UBR4: variants seen among roughly 807,000 people sequenced by gnomAD.
The protein encoded by UBR4 is ubiquitin protein ligase E3 component n-recognin 4.
UBR4 carries 124 observed loss-of-function variants against 575.6 expected under a neutral mutation model. The ratio of observed to expected loss-of-function variants is 0.22; its 90% confidence interval spans 0.19 to 0.25. The LOEUF (loss-of-function observed/expected upper bound fraction) is 0.25. UBR4 is among the 10% of genes least tolerant of loss of function. The probability of loss-of-function intolerance (pLI) is 1.00; values close to 1 mark genes in which losing one functional copy is unlikely to be tolerated. For synonymous variants in UBR4, 2,455 were observed against 2,473.7 expected (o/e 0.99, Z 0.22); for missense variants, 4,818 against 6,478.8 (o/e 0.74, Z 8.80).
In UBR4 at chr1:19,152,030, C is replaced by G. The variant is rs2085798336; in HGVS notation, c.6997-171G>C. On this transcript the variant is annotated intron_variant, in intron 47 of 105. Coordinates refer to ENST00000375254, the MANE Select transcript of UBR4 (RefSeq NM_020765.3). This position sits in a 1 kb window ranked among gnomAD's most constrained non-coding sequence, Gnocchi z 4.4. ...AAAATGGGAAAATAGGAAAAGAGAGCAGATTCTCTTCAATGTCAGGCTTCC... is the reference window on the plus strand; with the variant it reads ...AAAATGGGAAAATAGGAAAAGAGAGGAGATTCTCTTCAATGTCAGGCTTCC... 6.6e-6 allele frequency among the ~76,000 whole-genome samples: 1 copy of G among 152,168 alleles called. No individual in the cohort carries two copies. The highest frequency in any genetic ancestry group is 1.5e-5 in the Non-Finnish European group (1 of 68,036).
At position 19,152,242 on chromosome 1, in the gene UBR4, G is replaced by A; in HGVS notation, c.6996+71C>T. The A allele has an allele frequency of 6.3e-7, 1 of 1,576,316 alleles. No individual in the cohort carries two copies. The highest frequency in any genetic ancestry group is 1.3e-5 in the African/African-American group (1 of 74,186). On this transcript the variant is annotated intron_variant, in intron 47 of 105. Transcript: ENST00000375254. This position sits in a 1 kb window ranked among gnomAD's most constrained non-coding sequence, Gnocchi z 4.4. ...ACTCTATACTTGCTTTCTAAAAGGA[G>A]ATGTGTTCTCAAACCATATTGTTTG...
chr1:19,153,968 G>C lies in UBR4; in HGVS notation c.6459-29C>G. On this transcript the variant is annotated intron_variant, in intron 44 of 105. Coordinates refer to ENST00000375254, the MANE Select transcript of UBR4 (RefSeq NM_020765.3). The surrounding 1 kb of genome is among the most constrained non-coding windows in gnomAD (Gnocchi z 4.1). Reference sequence around the variant, plus strand: ...CAGACAACAAAACTGGCCACAGTTAGAGTGTCAGTCACCATTTAATAGTTC... The same window carrying C: ...CAGACAACAAAACTGGCCACAGTTACAGTGTCAGTCACCATTTAATAGTTC... 2 of 1,607,756 alleles carry C rather than the reference G, an allele frequency of 1.2e-6. No individual in the cohort carries two copies. The highest frequency in any genetic ancestry group is 3.3e-4 in the Middle Eastern group (2 of 6,012).
At chr1:19,081,215 G>T in intron 103 of UBR4, 134 bp downstream of exon 103, 1 of 772,520 alleles carries the variant, frequency 1.3e-6, no homozygotes, top group Non-Finnish European at 2.1e-6. Flanking sequence ...GACAGACTGA[G>T]AAGGGAGAAG....
rs1314008645 is a variant in UBR4 at position 19,082,839 on chromosome 1, T to C, written c.15009-1266A>G. 2.0e-5 allele frequency among the ~76,000 whole-genome samples: 3 copies of C among 152,314 alleles called. No homozygotes were observed. The East Asian group carries it at 5.8e-4, about 29-fold the overall frequency. ...GCTGCAGGATCTGCTCAGGCTCTGG[T>C]CTGGCTTACGGTGGCCATGCTGTGA... On this transcript the variant is annotated intron_variant, in intron 102 of 105. Transcript: ENST00000375254.
At chr1:19,143,818 C>A (rs148412645) in intron 55 of UBR4, among the ~76,000 whole-genome samples, 162 bp downstream of exon 55, 16 of 152,206 alleles carry the variant, frequency 1.1e-4, no homozygotes, top group Admixed American at 3.3e-4. Flanking sequence ...TTTGATGTGC[C>A]ACCTAAATTC....
At chr1:19,147,181 A>G (rs1405889827) in intron 51 of UBR4, among the ~76,000 whole-genome samples, 181 bp from the exon 52 acceptor site, 3 of 152,262 alleles carry the variant, frequency 2.0e-5, no homozygotes, top group Admixed American at 2.0e-4. Context: ...GTTTCTTAAT[A>G]CATAAAATAT....
At chr1:19,210,001 G>A (rs2093238002) in intron 1 of UBR4, 72 bp downstream of exon 1, 3 of 1,423,056 alleles carry the variant, frequency 2.1e-6, no homozygotes, top group Admixed American at 5.5e-5. Context: ...CCCGGAAAGC[G>A]GGTCCAGACG....
Position 19,088,022 on chromosome 1 carries a change from A to G in UBR4, c.14431-93T>C. Reference sequence around the variant, plus strand: ...TGCTCAGGAACAGGGCTAACCTTCTACCTCCACTAAAAGGACAGGTGCATG... The same window carrying G: ...TGCTCAGGAACAGGGCTAACCTTCTGCCTCCACTAAAAGGACAGGTGCATG... On this transcript the variant is annotated intron_variant, in intron 98 of 105. Coordinates refer to ENST00000375254, the MANE Select transcript of UBR4 (RefSeq NM_020765.3). The surrounding 1 kb of genome is among the most constrained non-coding windows in gnomAD (Gnocchi z 4.0). 4.2e-6 allele frequency: 4 copies of G among 948,718 alleles called. No homozygotes were observed. Among genetic ancestry groups the G allele is most frequent in the Non-Finnish European group, 6.6e-6 (4 of 607,430 alleles). 58.8% of individuals were successfully genotyped at this position (948,718 alleles called of 1,614,324 possible).
chr1:19,113,586 A>G, intron 77 of UBR4, 113 bp downstream of exon 77: 1 of 1,500,362 alleles, frequency 6.7e-7, no homozygotes, highest in Non-Finnish European at 9.0e-7. Context: ...TAGATTGGGC[A>G]GGGACAACAC....
intron 17 of UBR4, among the ~76,000 whole-genome samples, chr1:19,183,577 C>G (rs1304583828): frequency 2.0e-5 from 3 of 152,152 alleles, no homozygotes; most frequent in African/African-American, 7.2e-5. Flanking sequence ...CAAAAATTAG[C>G]CAGCCATGGT....
rs1289412217 is a variant in UBR4 at position 19,165,717 on chromosome 1, A to G, written c.4150T>C (p.Leu1384=). ...TGGCTACTTTCCAGCTGCTTTTCCA[A>G]GTACTGGAGACATTCCTCCAGGATG... ...ESILEECLQY[L]EKQLESSQAR... is the part of the protein sequence containing the mutation. Residue 1384 remains leucine, a synonymous_variant, in exon 30 of 106, where the codon TTG becomes CTG. Transcript: ENST00000375254. The G allele has an allele frequency of 6.2e-6, 10 of 1,614,036 alleles. No homozygotes were observed. Among genetic ancestry groups the G allele is most frequent in the Non-Finnish European group, 7.6e-6 (9 of 1,180,014 alleles).
chr1:19,202,937 T>A (rs2092815876), intron 1 of UBR4, among the ~76,000 whole-genome samples: 1 of 151,292 alleles, frequency 6.6e-6, no homozygotes, highest in African/African-American at 2.4e-5. Context: ...TTACAAAAAT[T>A]AGCAGGTGGT....
At chr1:19,179,344 C>G (rs2090627134) in intron 17 of UBR4, 124 bp from the exon 18 acceptor site, 1 of 1,062,430 alleles carries the variant, frequency 9.4e-7, no homozygotes. Flanking sequence ...AAAGAAGGAC[C>G]CAGAAATTCA....
At chr1:19,164,150 G>A in intron 33 of UBR4, 103 bp downstream of exon 33, 1 of 1,353,354 alleles carries the variant, frequency 7.4e-7, no homozygotes, top group East Asian at 2.4e-5. Context: ...CAATGAAAGG[G>A]TAGAGATTCA....
At chr1:19,099,876 C>T (rs963006455) in intron 89 of UBR4, among the ~76,000 whole-genome samples, 199 bp from the exon 90 acceptor site, 86 of 152,122 alleles carry the variant, frequency 5.7e-4, no homozygotes, top group African/African-American at 2.0e-3. Context: ...GGGCTGCTAA[C>T]GTCCCTAACC....
Position 19,127,732 on chromosome 1 carries a change from G to A in UBR4, c.9119C>T (p.Ser3040Phe). 1 of 1,613,934 alleles carries A rather than the reference G, an allele frequency of 6.2e-7. No homozygotes were observed. The highest frequency in any genetic ancestry group is 1.3e-5 in the African/African-American group (1 of 75,004). ...CAGGGCGCTGCGCTCATTCTTCTTG[G>A]AGACATCCTGCAGGCCAAAGCGTAA... ...AELGMDKKDV[S>F]KKNERSALNE... Residue 3040 changes from serine (S) to phenylalanine (F), a missense_variant, in exon 63 of 106, where the codon TCC becomes TTC. Physicochemically the swap from Ser to Phe is radical, Grantham distance 155. Around this residue, in one of 29 missense-constraint regions of UBR4, gnomAD observed 550 missense variants for 791.5 expected, o/e 0.69. Transcript: ENST00000375254.
In UBR4 at chr1:19,105,212, A is replaced by G. The variant is rs761683070; in HGVS notation, c.12504-23T>C. On this transcript the variant is annotated intron_variant, in intron 84 of 105. Coordinates refer to ENST00000375254, the MANE Select transcript of UBR4 (RefSeq NM_020765.3). ...TAACTGCCACCAAGAGGGACAGGGC[A>G]CTCTAGTCAAGAACTCTAGCATTTC... 3.1e-6 allele frequency: 5 copies of G among 1,602,030 alleles called. No individual in the cohort carries two copies. In the South Asian group the frequency reaches 5.5e-5, roughly 18 times the overall value.
chr1:19,196,082 A>G (rs2092440721), intron 8 of UBR4, among the ~76,000 whole-genome samples: 1 of 151,962 alleles, frequency 6.6e-6, no homozygotes, highest in Non-Finnish European at 1.5e-5. Context: ...CTCTGCCTAG[A>G]AATAGCCAAG....
Position 19,106,841 on chromosome 1 carries a change from G to C in UBR4, c.12231C>G (p.Ile4077Met). 1 of 1,613,918 alleles carries C rather than the reference G, an allele frequency of 6.2e-7. No homozygotes were observed. The highest frequency in any genetic ancestry group is 8.5e-7 in the Non-Finnish European group (1 of 1,179,860). Reference sequence around the variant, plus strand: ...GTCTTGAAGAGAAAGATATACCTCTGATAGGAAGACACTTCTTCCAGGCAT... The same window carrying C: ...GTCTTGAAGAGAAAGATATACCTCTCATAGGAAGACACTTCTTCCAGGCAT... The part of the protein sequence containing the change: ...SYDAWKKCLP[I>M]RGIDGNGKAP... Residue 4077 changes from isoleucine (I) to methionine (M), a missense_variant, in exon 82 of 106, where the codon ATC becomes ATG. By Grantham distance (10) the Ile-to-Met change is conservative. Coordinates refer to ENST00000375254, the MANE Select transcript of UBR4 (RefSeq NM_020765.3).
Sources: allele counts gnomAD v4.1 joint callset (sites outside exome capture counted in the v4.1 genomes callset), GRCh38; gene constraint gnomAD v4.1.1; regional missense constraint gnomAD v4.1.1; non-coding constraint Gnocchi (gnomAD v3.1); transcripts MANE v1.5; gene names NCBI Gene and HGNC (gene_info 2026-07-23, HGNC 2026-07-21).